Variants in PIGU observed in about 807,000 individuals in gnomAD.
PIGU encodes the protein phosphatidylinositol glycan anchor biosynthesis class U, also known as GPI-anchor transamidase component PIGU.
In PIGU, 24 loss-of-function variants were observed where a neutral mutation model predicts 49.9. That is an observed-to-expected ratio of 0.48 (90% CI 0.35 to 0.68). The LOEUF (loss-of-function observed/expected upper bound fraction) is 0.68, where lower values mean the gene tolerates loss of function less well. PIGU is among the 30% of genes least tolerant of loss of function. The pLI, the probability that PIGU is intolerant of heterozygous loss-of-function variation, is 0.01. For missense variants in PIGU, 490 were observed against 532.6 expected (o/e 0.92, Z 0.79); for synonymous variants, 220 against 205.7 (o/e 1.07, Z -0.59).
At chr20:34,617,710 T>C (rs1158596748) in intron 6 of PIGU, among the ~76,000 whole-genome samples, 1 of 152,140 alleles carries the variant, frequency 6.6e-6, no homozygotes, top group Non-Finnish European at 1.5e-5. Flanking sequence ...TGGAAGGGCA[T>C]GATTGGTTTT....
At position 34,644,116 on chromosome 20, in the gene PIGU, G is replaced by C. The variant is rs1245063042; in HGVS notation, c.318+48C>G. 2.7e-6 allele frequency: 4 copies of C among 1,490,410 alleles called. No homozygotes were observed. In the South Asian group the frequency reaches 4.5e-5, roughly 17 times the overall value. 92.3% of individuals were successfully genotyped at this position (1,490,410 alleles called of 1,614,324 possible). On this transcript the variant is annotated intron_variant, in intron 4 of 11. Transcript: ENST00000217446. ...AAGATCTTTGTAATAACAAAGACCA[G>C]AAGGTTACCAAATTCCACCAGCTTT...
intron 5 of PIGU, 22 bp from the exon 6 acceptor site, chr20:34,634,737 T>C: frequency 6.2e-7 from 1 of 1,608,022 alleles, no homozygotes; most frequent in East Asian, 2.3e-5. Context: ...CAAACATATT[T>C]GGCATTAGTA....
At chr20:34,658,767 G>A (rs1255510501) in intron 1 of PIGU, among the ~76,000 whole-genome samples, 14 of 147,464 alleles carry the variant, frequency 9.5e-5, no homozygotes, top group African/African-American at 1.5e-4. Flanking sequence ...CAGCCGCCCC[G>A]TCTGAGAAGT....
At chr20:34,673,448 C>T (rs1308849225) in intron 1 of PIGU, among the ~76,000 whole-genome samples, 3 of 152,132 alleles carry the variant, frequency 2.0e-5, no homozygotes, top group African/African-American at 7.2e-5. Context: ...AATAATCATG[C>T]TGATTTAGTC....
chr20:34,594,413 T>A (rs1309513260), intron 7 of PIGU, among the ~76,000 whole-genome samples: 1 of 152,248 alleles, frequency 6.6e-6, no homozygotes, highest in Non-Finnish European at 1.5e-5. Flanking sequence ...TAAAAAAGAA[T>A]GAGGACAATC....
intron 7 of PIGU, among the ~76,000 whole-genome samples, chr20:34,610,363 GA>G (rs1320049225): frequency 6.6e-6 from 1 of 152,066 alleles, no homozygotes; most frequent in Non-Finnish European, 1.5e-5. Context: ...AAAGTCTCAG[GA>G]TACAAAATCA....
intron 2 of PIGU, among the ~76,000 whole-genome samples, chr20:34,653,029 G>C (rs933870254): frequency 2.0e-5 from 3 of 150,780 alleles, no homozygotes; most frequent in Non-Finnish European, 2.9e-5. Flanking sequence ...TTGGAGTGCA[G>C]TGGCACTATC....
intron 3 of PIGU, among the ~76,000 whole-genome samples, chr20:34,644,699 C>T (rs1387080211): frequency 2.6e-5 from 4 of 152,246 alleles, no homozygotes; most frequent in South Asian, 4.1e-4. Context: ...GACCTGTCAT[C>T]CCAATTCTGA....
At chr20:34,565,394 A>G (rs1016507163) in intron 11 of PIGU, among the ~76,000 whole-genome samples, 1 of 151,894 alleles carries the variant, frequency 6.6e-6, no homozygotes, top group Admixed American at 6.5e-5. Flanking sequence ...CTGGGACTAC[A>G]AGCGTGCGCC....
chr20:34,642,650 C>A (rs1335941789), intron 4 of PIGU, among the ~76,000 whole-genome samples: 1 of 100,854 alleles, frequency 9.9e-6, no homozygotes, highest in Non-Finnish European at 1.9e-5. Flanking sequence ...ATATATATAT[C>A]TCATATATAT....
chr20:34,669,288 T>C lies in PIGU; in HGVS notation c.130+7668A>G, dbSNP rs117277864. 4.6e-3 allele frequency among the ~76,000 whole-genome samples: 705 copies of C among 152,206 alleles called. 27 individuals are homozygous for C. The highest frequency in any genetic ancestry group is 0.033 in the Admixed American group (504 of 15,260). On this transcript the variant is annotated intron_variant, in intron 1 of 11. Transcript: ENST00000217446. ...ACTATGACTATGTAGGATATTAACA[T>C]TGGGGGAAGCTGGGTGAAGGGTATA...
chr20:34,564,471 G>C (rs1982660930), intron 11 of PIGU, among the ~76,000 whole-genome samples: 1 of 152,200 alleles, frequency 6.6e-6, no homozygotes, highest in African/African-American at 2.4e-5. Context: ...AGGTCGACCT[G>C]GGCAACAGAG....
intron 7 of PIGU, among the ~76,000 whole-genome samples, chr20:34,613,917 G>A (rs1984911261): frequency 3.9e-5 from 6 of 152,192 alleles, no homozygotes; most frequent in Admixed American, 3.9e-4. Context: ...GCTTTCTGGT[G>A]AACAATCTGG....
chr20:34,665,064 C>T lies in PIGU; in HGVS notation c.131-7820G>A, dbSNP rs73610866. ...TTTTTGAGACAGTCTCACACTCTGT[C>T]GCCCACGCTAGAGTGCAGTGGCATG... On this transcript the variant is annotated intron_variant, in intron 1 of 11. Transcript: ENST00000217446. 1.6e-3 allele frequency among the ~76,000 whole-genome samples: 243 copies of T among 152,158 alleles called. 2 individuals carry two copies. In the East Asian group the frequency reaches 0.036, roughly 23 times the overall value.
intron 7 of PIGU, among the ~76,000 whole-genome samples, chr20:34,606,267 A>G (rs1042218928): frequency 1.3e-5 from 2 of 151,966 alleles, no homozygotes; most frequent in East Asian, 3.8e-4. Context: ...AAAAAAAAAA[A>G]AAAAAAAAAT....
At chr20:34,611,679 A>AC (rs1202581564) in intron 7 of PIGU, among the ~76,000 whole-genome samples, 2 of 151,292 alleles carry the variant, frequency 1.3e-5, no homozygotes, top group African/African-American at 2.4e-5. Context: ...AAAAAAAAAA[A>AC]AACCAAACAT....
chr20:34,588,377 A>T, intron 8 of PIGU, 76 bp downstream of exon 8: 1 of 1,267,786 alleles, frequency 7.9e-7, no homozygotes, highest in Non-Finnish European at 1.1e-6. Flanking sequence ...GTACTAATTT[A>T]CATTCTTGAC....
intron 7 of PIGU, among the ~76,000 whole-genome samples, chr20:34,599,025 T>G (rs1600615370): frequency 6.6e-6 from 1 of 152,196 alleles, no homozygotes; most frequent in East Asian, 1.9e-4. Flanking sequence ...TTTCATTTTT[T>G]GCAGAGATAG....
chr20:34,587,488 T>C (rs1174571137), intron 8 of PIGU, among the ~76,000 whole-genome samples: 2 of 152,222 alleles, frequency 1.3e-5, no homozygotes, highest in Non-Finnish European at 2.9e-5. Flanking sequence ...TAAACATTGT[T>C]TGTGGTGGGA....
Sources: allele counts gnomAD v4.1 joint callset (sites outside exome capture counted in the v4.1 genomes callset), GRCh38; gene constraint gnomAD v4.1.1; transcripts MANE v1.5; gene names NCBI Gene and HGNC (gene_info 2026-07-23, HGNC 2026-07-21).